WDPCP: variants seen among roughly 807,000 people sequenced by gnomAD.
The protein encoded by WDPCP is WD repeat-containing and planar cell polarity effector protein fritz homolog.
Under a neutral mutation model 93.1 loss-of-function variants are expected in WDPCP, and 71 were observed. The ratio of observed to expected loss-of-function variants is 0.76; its 90% CI spans 0.63 to 0.93. WDPCP has a LOEUF of 0.93. Among genes scored for constraint, WDPCP ranks in the 40% least tolerant of loss-of-function variants. The pLI is 0.00. For synonymous variants in WDPCP, 315 were observed against 315.0 expected (o/e 1.00, Z 0.00); for missense variants, 844 against 887.4 (o/e 0.95, Z 0.62).
intron 2 of WDPCP, among the ~76,000 whole-genome samples, chr2:63,702,912 T>C (rs1462058244): frequency 6.6e-6 from 1 of 151,218 alleles, no homozygotes; most frequent in Non-Finnish European, 1.5e-5. Context: ...TGATGTTCCC[T>C]TTCCTGTGTC....
chr2:63,397,961 A>G (rs1360969151), intron 10 of WDPCP, among the ~76,000 whole-genome samples: 1 of 152,180 alleles, frequency 6.6e-6, no homozygotes, highest in East Asian at 1.9e-4. Context: ...GGGCCTGTTT[A>G]TCTGCTGCTG....
At chr2:63,538,742 A>T (rs777384960) in intron 1 of WDPCP, among the ~76,000 whole-genome samples, 5 of 152,182 alleles carry the variant, frequency 3.3e-5, no homozygotes, top group Non-Finnish European at 5.9e-5. Context: ...TGTATTTTCA[A>T]ACTGACAAGA....
chr2:63,328,228 A>ATCAGCACTCTGTAAAATGGACCAG (rs2104292429), intron 12 of WDPCP, among the ~76,000 whole-genome samples: 2 of 152,006 alleles, frequency 1.3e-5, no homozygotes, highest in African/African-American at 4.8e-5. Flanking sequence ...AAATGGACCA[A>ATCAGCACTCTGTAAAATGGACCAG]TCAGCAGGAT....
intron 15 of WDPCP, among the ~76,000 whole-genome samples, chr2:63,169,988 C>T (rs1673264412): frequency 6.6e-6 from 1 of 150,924 alleles, no homozygotes; most frequent in African/African-American, 2.4e-5. Flanking sequence ...ATGTTTAGGG[C>T]CCCAAGCGAT....
At chr2:63,235,138 AC>A (rs1300611580) in intron 14 of WDPCP, among the ~76,000 whole-genome samples, 1 of 152,152 alleles carries the variant, frequency 6.6e-6, no homozygotes, top group African/African-American at 2.4e-5. Context: ...CCAAATAAGC[AC>A]AATCAGAAGT....
At chr2:63,459,741 C>A (rs1018828698) in intron 6 of WDPCP, among the ~76,000 whole-genome samples, 5 of 151,932 alleles carry the variant, frequency 3.3e-5, no homozygotes, top group Non-Finnish European at 5.9e-5. Flanking sequence ...CATGGTGAAA[C>A]CCTGTGCCTA....
At chr2:63,691,032 AT>A (rs999236214) in intron 2 of WDPCP, among the ~76,000 whole-genome samples, 1 of 152,246 alleles carries the variant, frequency 6.6e-6, no homozygotes, top group African/African-American at 2.4e-5. Flanking sequence ...ATGTACATGC[AT>A]AACCTTAAAA....
chr2:63,478,800 A>G (rs921121772), intron 6 of WDPCP, among the ~76,000 whole-genome samples: 1 of 152,114 alleles, frequency 6.6e-6, no homozygotes, highest in African/African-American at 2.4e-5. Context: ...ACCCAGACCC[A>G]GCAGAAGAAA....
At chr2:63,573,644 T>A (rs2106487987) in intron 1 of WDPCP, among the ~76,000 whole-genome samples, 1 of 152,272 alleles carries the variant, frequency 6.6e-6, no homozygotes, top group South Asian at 2.1e-4. Context: ...CATGTGTGTT[T>A]GAACAATATG....
In WDPCP at chr2:63,381,663, C is replaced by T. The variant is rs2104896045; in HGVS notation, c.1624+243G>A. Among the ~76,000 whole-genome samples, 2 of 152,216 alleles carry T rather than the reference C, an allele frequency of 1.3e-5. 1 individual carries two copies. The highest frequency in any genetic ancestry group is 4.1e-4 in the South Asian group (2 of 4,828). The stretch of plus-strand genomic sequence containing the variant: ...CTTAGACTGAATTGTACAATGACTG[C>T]ACTGTAAGCTCCAACATAAGCATAT... On this transcript the variant is annotated intron_variant, in intron 11 of 17. Coordinates refer to ENST00000272321, the MANE Select transcript of WDPCP (RefSeq NM_015910.7).
intron 17 of WDPCP, among the ~76,000 whole-genome samples, chr2:63,126,240 A>G (rs1284581195): frequency 6.6e-6 from 1 of 152,166 alleles, no homozygotes; most frequent in African/African-American, 2.4e-5. Context: ...GGGCTGCACA[A>G]ACATTCTTGA....
chr2:63,493,800 C>T lies in WDPCP; in HGVS notation c.76-860G>A, dbSNP rs139688257. On this transcript the variant is annotated intron_variant, in intron 1 of 17. Coordinates refer to ENST00000272321, the MANE Select transcript of WDPCP (RefSeq NM_015910.7). ...AGTACTATACTGTATTTATGTTATACTACATATTAGAAATATATACAATAA... is the reference window on the plus strand; with the variant it reads ...AGTACTATACTGTATTTATGTTATATTACATATTAGAAATATATACAATAA... Among the ~76,000 whole-genome samples the T allele has an allele frequency of 1.9e-3, 289 of 152,052 alleles. 2 individuals are homozygous for T. Among genetic ancestry groups the T allele is most frequent in the African/African-American group, 6.4e-3 (265 of 41,470 alleles).
chr2:63,662,977 C>T (rs534142083), intron 2 of WDPCP, among the ~76,000 whole-genome samples: 3 of 152,204 alleles, frequency 2.0e-5, no homozygotes. Flanking sequence ...GATGCCCATG[C>T]CACTGTTGTT....
At chr2:63,388,274 C>T (rs1340381609) in intron 10 of WDPCP, among the ~76,000 whole-genome samples, 1 of 152,076 alleles carries the variant, frequency 6.6e-6, no homozygotes, top group Non-Finnish European at 1.5e-5. Flanking sequence ...TGGAGTGGAC[C>T]TCCAGCAAAC....
At chr2:63,476,003 G>C (rs964358204) in intron 6 of WDPCP, among the ~76,000 whole-genome samples, 1 of 151,916 alleles carries the variant, frequency 6.6e-6, no homozygotes, top group African/African-American at 2.4e-5. Context: ...GATTACCTCT[G>C]GTCACTTCAC....
At chr2:63,283,638 G>T (rs1683743984) in intron 13 of WDPCP, among the ~76,000 whole-genome samples, 1 of 152,174 alleles carries the variant, frequency 6.6e-6, no homozygotes, top group Non-Finnish European at 1.5e-5. Context: ...GCCAACCTCT[G>T]TTCTAGCTCT....
At chr2:63,366,715 T>C (rs1358588974) in intron 12 of WDPCP, among the ~76,000 whole-genome samples, 1 of 152,132 alleles carries the variant, frequency 6.6e-6, no homozygotes, top group African/African-American at 2.4e-5. Context: ...TACTGCCCTC[T>C]ACATCAGTAT....
intron 2 of WDPCP, among the ~76,000 whole-genome samples, chr2:63,789,599 C>T (rs919932360): frequency 6.6e-5 from 10 of 152,038 alleles, no homozygotes; most frequent in Non-Finnish European, 1.5e-4. Context: ...AGTGGGAAGC[C>T]GAGATAGCAA....
intron 10 of WDPCP, among the ~76,000 whole-genome samples, chr2:63,400,342 G>A (rs1348388338): frequency 6.6e-6 from 1 of 152,100 alleles, no homozygotes; most frequent in Non-Finnish European, 1.5e-5. Flanking sequence ...AATCCTGGAA[G>A]ACAACTAGGC....
Sources: gnomAD v4.1 joint callset for allele counts (sites outside exome capture counted in the v4.1 genomes callset) on GRCh38, gnomAD v4.1.1 for gene constraint, MANE v1.5 for transcripts, NCBI Gene and HGNC (gene_info 2026-07-23, HGNC 2026-07-21) for gene names.